Variants in GPR158 observed in about 807,000 individuals in gnomAD.
GPR158 encodes metabotropic glycine receptor.
GPR158 carries 30 observed loss-of-function variants against 78.2 expected under a neutral mutation model. The observed-to-expected ratio is 0.38, with a 90% CI of 0.29 to 0.52. The LOEUF (loss-of-function observed/expected upper bound fraction) is 0.52, where lower values mean the gene tolerates loss of function less well. GPR158 is among the 20% of genes least tolerant of loss of function. GPR158 has a pLI of 0.83. For missense variants in GPR158, 1,463 were observed against 1,523.5 expected, an observed-to-expected ratio of 0.96 and a Z score of 0.66; for synonymous variants, 581 against 591.1, an observed-to-expected ratio of 0.98 and a Z score of 0.25.
At chr10:25,456,010 C>T (rs1274190563) in intron 4 of GPR158, among the ~76,000 whole-genome samples, 1 of 152,046 alleles carries the variant, frequency 6.6e-6, no homozygotes. Context: ...ATGTTTATAC[C>T]ATTTTAGAGA....
intron 4 of GPR158, among the ~76,000 whole-genome samples, chr10:25,424,915 G>C (rs1212727653): frequency 1.3e-5 from 2 of 152,156 alleles, no homozygotes; most frequent in Non-Finnish European, 2.9e-5. Context: ...TTCCAATTCT[G>C]TGAAGAAAGT....
At chr10:25,206,043 G>A (rs183312963) in intron 1 of GPR158, among the ~76,000 whole-genome samples, 1 of 149,244 alleles carries the variant, frequency 6.7e-6, no homozygotes, top group East Asian at 2.0e-4. Flanking sequence ...CTGGAGTGCA[G>A]TGGCACATCT....
intron 2 of GPR158, among the ~76,000 whole-genome samples, chr10:25,280,237 A>T (rs1854249089): frequency 6.6e-6 from 1 of 152,188 alleles, no homozygotes; most frequent in African/African-American, 2.4e-5. Context: ...AAACACACTC[A>T]AAGCATAAGG....
At chr10:25,305,936 T>C (rs1854670942) in intron 2 of GPR158, among the ~76,000 whole-genome samples, 1 of 152,218 alleles carries the variant, frequency 6.6e-6, no homozygotes, top group Non-Finnish European at 1.5e-5. Flanking sequence ...ATCTAAGTTA[T>C]TACAAGCAAT....
chr10:25,295,819 C>A (rs1854504394), intron 2 of GPR158, among the ~76,000 whole-genome samples: 1 of 152,112 alleles, frequency 6.6e-6, no homozygotes, highest in African/African-American at 2.4e-5. Context: ...AGACGGAGAA[C>A]ATTCTGTTTG....
At chr10:25,570,577 T>A (rs1049621144) in intron 6 of GPR158, among the ~76,000 whole-genome samples, 1 of 152,208 alleles carries the variant, frequency 6.6e-6, no homozygotes, top group Admixed American at 6.5e-5. Context: ...TTTATTTTAA[T>A]GTTTTATCTT....
chr10:25,489,972 AAGC>A (rs1362310969), intron 5 of GPR158, among the ~76,000 whole-genome samples: 3 of 152,176 alleles, frequency 2.0e-5, no homozygotes, highest in Non-Finnish European at 4.4e-5. Context: ...GCAAGAAAAA[AAGC>A]AGATTTATAT....
chr10:25,584,413 GT>G (rs1212137929), intron 7 of GPR158, among the ~76,000 whole-genome samples: 1 of 152,102 alleles, frequency 6.6e-6, no homozygotes, highest in African/African-American at 2.4e-5. Context: ...ACAGCATATT[GT>G]TTGGTATTGC....
chr10:25,334,055 A>G (rs1855163875), intron 2 of GPR158, among the ~76,000 whole-genome samples: 2 of 152,156 alleles, frequency 1.3e-5, no homozygotes, highest in South Asian at 4.1e-4. Flanking sequence ...GAGAAAATGC[A>G]TTAGTTCTAT....
chr10:25,466,854 TCTTA>T (rs1835431299), intron 5 of GPR158, 135 bp downstream of exon 5: 1 of 465,994 alleles, frequency 2.1e-6, no homozygotes, highest in African/African-American at 2.0e-5. Flanking sequence ...TTGGCTCTTG[TCTTA>T]CTTGAAAGAA....
intron 2 of GPR158, among the ~76,000 whole-genome samples, chr10:25,368,823 G>C (rs146090460): frequency 6.9e-6 from 1 of 144,018 alleles, no homozygotes; most frequent in African/African-American, 2.6e-5. Context: ...TCTTCCATTT[G>C]TTTGTATCCT....
intron 2 of GPR158, among the ~76,000 whole-genome samples, chr10:25,240,639 G>T (rs912901186): frequency 6.7e-6 from 1 of 149,208 alleles, no homozygotes; most frequent in African/African-American, 2.5e-5. Flanking sequence ...CTGATAGAAC[G>T]AATAGATGGT....
chr10:25,412,864 T>C (rs1834611678), intron 4 of GPR158, among the ~76,000 whole-genome samples: 1 of 152,228 alleles, frequency 6.6e-6, no homozygotes. Flanking sequence ...TGTTTAAATA[T>C]GGTAAATGAC....
At chr10:25,299,012 C>A (rs980749515) in intron 2 of GPR158, among the ~76,000 whole-genome samples, 16 of 152,112 alleles carry the variant, frequency 1.1e-4, no homozygotes, top group African/African-American at 3.9e-4. Context: ...TTTTGGTGAG[C>A]AAAGATTGAA....
chr10:25,548,693 AC>A (rs1158728813), intron 5 of GPR158, among the ~76,000 whole-genome samples: 2 of 152,196 alleles, frequency 1.3e-5, no homozygotes, highest in African/African-American at 4.8e-5. Flanking sequence ...CTCTCCTACC[AC>A]CAGCTTTGCC....
chr10:25,476,775 C>T (rs745546659), intron 5 of GPR158, among the ~76,000 whole-genome samples: 1 of 152,028 alleles, frequency 6.6e-6, no homozygotes, highest in African/African-American at 2.4e-5. Flanking sequence ...TGACATCAAA[C>T]GGGAGGCTGG....
At chr10:25,182,886 A>G (rs1360005387) in intron 1 of GPR158, among the ~76,000 whole-genome samples, 2 of 152,216 alleles carry the variant, frequency 1.3e-5, no homozygotes, top group African/African-American at 4.8e-5. Context: ...ATGCAGAATT[A>G]CTAAGATAGC....
chr10:25,533,761 T>G (rs1260057343), intron 5 of GPR158, among the ~76,000 whole-genome samples: 5 of 152,146 alleles, frequency 3.3e-5, no homozygotes, highest in Admixed American at 6.5e-5. Flanking sequence ...CTAATTTTAA[T>G]CTTTCTACTC....
At chr10:25,392,823 TA>T (rs559638204) in intron 2 of GPR158, among the ~76,000 whole-genome samples, 14 of 150,688 alleles carry the variant, frequency 9.3e-5, no homozygotes, top group Non-Finnish European at 1.3e-4. Flanking sequence ...CAATTCTTCA[TA>T]AAAAAAAATA....
Sources: allele counts gnomAD v4.1 joint callset (sites outside exome capture counted in the v4.1 genomes callset), GRCh38; gene constraint gnomAD v4.1.1; transcripts MANE v1.5; gene names NCBI Gene and HGNC (gene_info 2026-07-23, HGNC 2026-07-21).